NRG1: variants seen among roughly 807,000 people sequenced by gnomAD.
NRG1 encodes the protein neuregulin 1, also known as pro-neuregulin-1, membrane-bound isoform.
A neutral mutation model predicts 63.8 loss-of-function variants in NRG1; 18 were observed. The observed-to-expected ratio is 0.28, with a 90% confidence interval of 0.19 to 0.42. The LOEUF (loss-of-function observed/expected upper bound fraction) is 0.42. Among genes scored for constraint, NRG1 ranks in the 10% least tolerant of loss-of-function variants. The pLI is 1.00. For synonymous variants in NRG1, 302 were observed against 301.3 expected (o/e 1.00, Z -0.02); for missense variants, 762 against 814.7 (o/e 0.94, Z 0.79).
intron 1 of NRG1, among the ~76,000 whole-genome samples, chr8:32,508,534 T>C (rs1307559439): frequency 6.6e-6 from 1 of 151,832 alleles, no homozygotes; most frequent in African/African-American, 2.4e-5. Context: ...CCTGACCTCG[T>C]GATCCACCTG....
intron 1 of NRG1, among the ~76,000 whole-genome samples, chr8:31,842,920 C>G (rs1164991689): frequency 6.6e-6 from 1 of 152,114 alleles, no homozygotes; most frequent in African/African-American, 2.4e-5. Flanking sequence ...TCCCACCAAA[C>G]CCTGGATTTC....
upstream of NRG1, among the ~76,000 whole-genome samples, chr8:32,547,369 T>C (rs1486940860): frequency 2.0e-5 from 3 of 152,158 alleles, no homozygotes; most frequent in Non-Finnish European, 4.4e-5. Context: ...TTCTGTGTCT[T>C]TATTCTACCC....
intron 1 of NRG1, among the ~76,000 whole-genome samples, chr8:31,932,094 C>A (rs1280877333): frequency 6.6e-6 from 1 of 151,718 alleles, no homozygotes; most frequent in African/African-American, 2.4e-5. Flanking sequence ...CAACAGCCCC[C>A]CACCCACTCA....
At chr8:31,917,638 G>C (rs185377595) in intron 1 of NRG1, among the ~76,000 whole-genome samples, 1 of 152,120 alleles carries the variant, frequency 6.6e-6, no homozygotes, top group Admixed American at 6.6e-5. Flanking sequence ...GTCAGGTAAC[G>C]TGATGCCTCC....
chr8:32,296,109 A>T (rs951255689), intron 1 of NRG1, among the ~76,000 whole-genome samples: 30 of 152,218 alleles, frequency 2.0e-4, no homozygotes, highest in African/African-American at 7.0e-4. Context: ...CCAGCGCATT[A>T]AGGAGCTCCT....
chr8:32,619,298 A>G (rs2919370), intron 5 of NRG1, among the ~76,000 whole-genome samples: 94,170 of 152,060 alleles, frequency 0.62, 29,719 homozygotes, highest in East Asian at 0.76. Context: ...AGGCCCTTAG[A>G]CAAAAGCATG....
intron 1 of NRG1, among the ~76,000 whole-genome samples, chr8:31,779,982 A>T (rs1819521526): frequency 2.0e-5 from 3 of 152,220 alleles, no homozygotes. Context: ...CAACGAGAAT[A>T]CATCAGTGCC....
intron 1 of NRG1, among the ~76,000 whole-genome samples, chr8:31,705,445 A>G (rs887301706): frequency 1.3e-5 from 2 of 151,626 alleles, no homozygotes; most frequent in African/African-American, 4.9e-5. Flanking sequence ...CACACCCCAC[A>G]CTCCTTTACC....
intron 1 of NRG1, among the ~76,000 whole-genome samples, chr8:31,763,669 G>T: frequency 6.6e-6 from 1 of 152,208 alleles, no homozygotes; most frequent in East Asian, 1.9e-4. Flanking sequence ...ATAGATAGTT[G>T]GCCGGACACA....
At chr8:31,982,782 A>T (rs970473904) in intron 1 of NRG1, among the ~76,000 whole-genome samples, 1 of 152,082 alleles carries the variant, frequency 6.6e-6, no homozygotes, top group Non-Finnish European at 1.5e-5. Context: ...TATTTTTTTC[A>T]TCTAAGAGTT....
At chr8:32,366,632 T>C (rs1365639427) in intron 1 of NRG1, among the ~76,000 whole-genome samples, 2 of 148,274 alleles carry the variant, frequency 1.3e-5, no homozygotes, top group Non-Finnish European at 3.0e-5. Flanking sequence ...TATGTATATA[T>C]ACACATATAT....
rs375673114 is a variant in NRG1, at chr8:31,959,836, T to TATTCATTC, written c.37+320408_37+320409insCATTCATT. Among the ~76,000 whole-genome samples, 44 of 122,482 alleles carry TATTCATTC rather than the reference T, an allele frequency of 3.6e-4. 1 individual carries two copies. The highest frequency in any genetic ancestry group is 1.1e-3 in the Admixed American group (13 of 11,648). The allele number at this position is 122,482 out of a possible 152,430, so 80.4% of individuals were successfully genotyped here. ...TTATTTATTTATTTATTTATTTATT[T>TATTCATTC]ATTATAGAGATGGAGTCTCACTATG... On this transcript the variant is annotated intron_variant, in intron 1 of 10. Transcript: ENST00000519301.
At position 32,255,100 on chromosome 8, in the gene NRG1, C is replaced by T. The variant is rs574284025; in HGVS notation, c.38-340728C>T. Among the ~76,000 whole-genome samples, 94 of 152,254 alleles carry T rather than the reference C, an allele frequency of 6.2e-4. 1 individual carries two copies. The highest frequency in any genetic ancestry group is 2.3e-3 in the South Asian group (11 of 4,820). Reference sequence around the variant, plus strand: ...CCTGTGTGTGTCTTTGCACGTGAGACGTGTCTCCTGAATACAGCACACCAA... The same window carrying T: ...CCTGTGTGTGTCTTTGCACGTGAGATGTGTCTCCTGAATACAGCACACCAA... On this transcript the variant is annotated intron_variant, in intron 1 of 10. Transcript: ENST00000519301.
At chr8:32,589,750 T>C (rs1842196150) in intron 1 of NRG1, among the ~76,000 whole-genome samples, 1 of 152,196 alleles carries the variant, frequency 6.6e-6, no homozygotes. Flanking sequence ...ATATTCGATA[T>C]AGCTGCACGA....
chr8:32,305,742 C>G (rs545312185), intron 1 of NRG1, among the ~76,000 whole-genome samples: 5 of 152,334 alleles, frequency 3.3e-5, no homozygotes, highest in Admixed American at 2.0e-4. Context: ...TCTTTAAATA[C>G]TGTGCTTTGG....
intron 1 of NRG1, among the ~76,000 whole-genome samples, chr8:32,475,355 C>T (rs1452903219): frequency 2.7e-5 from 4 of 148,774 alleles, no homozygotes; most frequent in African/African-American, 9.9e-5. Flanking sequence ...GTCTCAGCTA[C>T]TTGGGAGGCT....
chr8:32,020,341 T>C (rs879193092), intron 1 of NRG1, among the ~76,000 whole-genome samples: 1 of 152,246 alleles, frequency 6.6e-6, no homozygotes, highest in Admixed American at 6.5e-5. Flanking sequence ...AATTTTTGTA[T>C]GTTGGCCTAG....
intron 1 of NRG1, among the ~76,000 whole-genome samples, chr8:32,501,956 G>A (rs1200266428): frequency 2.0e-5 from 3 of 152,176 alleles, no homozygotes; most frequent in Non-Finnish European, 4.4e-5. Flanking sequence ...GTGAGACCCT[G>A]TCTCTCTAAG....
At chr8:32,498,850 G>A (rs1374615051) in intron 1 of NRG1, among the ~76,000 whole-genome samples, 2 of 152,128 alleles carry the variant, frequency 1.3e-5, no homozygotes, top group East Asian at 1.9e-4. Flanking sequence ...GATGTACAAG[G>A]GAAAGACAGA....
Sources: allele counts gnomAD v4.1 joint callset (sites outside exome capture counted in the v4.1 genomes callset), GRCh38; gene constraint gnomAD v4.1.1; transcripts MANE v1.5; gene names NCBI Gene and HGNC (gene_info 2026-07-23, HGNC 2026-07-21).